SORCS2: variants seen among roughly 807,000 people sequenced by gnomAD.
The protein encoded by SORCS2 is sortilin related VPS10 domain containing receptor 2.
In SORCS2, 100 loss-of-function variants were observed where a neutral mutation model predicts 141.6. The observed-to-expected ratio is 0.71, with a 90% CI of 0.60 to 0.83. The LOEUF (loss-of-function observed/expected upper bound fraction) is 0.83, where lower values mean the gene tolerates loss of function less well. Among genes scored for constraint, SORCS2 ranks in the 40% least tolerant of loss-of-function variants. SORCS2 has a pLI of 0.00. For synonymous variants in SORCS2, 789 were observed against 676.9 expected (o/e 1.17, Z -2.57); for missense variants, 1,646 against 1,560.2 (o/e 1.05, Z -0.93).
chr4:7,699,482 G>T (rs376628619), intron 12 of SORCS2, among the ~76,000 whole-genome samples: 1 of 152,164 alleles, frequency 6.6e-6, no homozygotes, highest in Non-Finnish European at 1.5e-5. Context: ...GGCTCAGGGG[G>T]CCAGCTCAGT....
At chr4:7,524,480 T>C (rs1733537255) in intron 2 of SORCS2, among the ~76,000 whole-genome samples, 1 of 152,106 alleles carries the variant, frequency 6.6e-6, no homozygotes, top group Admixed American at 6.6e-5. Flanking sequence ...GCCCTGGCCC[T>C]GCCCTCCCCA....
chr4:7,266,188 C>T (rs1459913557), intron 1 of SORCS2, among the ~76,000 whole-genome samples: 4 of 152,178 alleles, frequency 2.6e-5, no homozygotes, highest in Non-Finnish European at 4.4e-5. Context: ...TCATGAGCTC[C>T]CTGGAGCTCC....
chr4:7,209,538 T>C (rs57897464), intron 1 of SORCS2, among the ~76,000 whole-genome samples: 9,277 of 152,232 alleles, frequency 0.061, 552 homozygotes, highest in East Asian at 0.27. Context: ...GCCGGCTCCA[T>C]GGTGCTGAAG....
intron 2 of SORCS2, chr4:7,430,493 C>T (rs770049016): frequency 6.6e-6 from 1 of 152,242 alleles, no homozygotes; most frequent in Non-Finnish European, 1.5e-5. Context: ...GGGGCAGCAT[C>T]CATAGGTGTT....
chr4:7,614,473 C>T (rs568000391), intron 3 of SORCS2, among the ~76,000 whole-genome samples: 1 of 149,892 alleles, frequency 6.7e-6, no homozygotes, highest in South Asian at 2.2e-4. Context: ...TAATCCATAA[C>T]CCATCCACGC....
Position 7,740,196 on chromosome 4 carries a change from C to A in SORCS2, c.3416-4C>A. 1 of 1,606,936 alleles carries A rather than the reference C, an allele frequency of 6.2e-7. No individual in the cohort carries two copies. The highest frequency in any genetic ancestry group is 8.5e-7 in the Non-Finnish European group (1 of 1,178,740). ...ACGGGACCTGCGTCTCTTCTGTTTCCTAGGCAACCACTCAGGCGTGGTCCT... is the reference window on the plus strand; with the variant it reads ...ACGGGACCTGCGTCTCTTCTGTTTCATAGGCAACCACTCAGGCGTGGTCCT... On this transcript the variant is annotated splice_polypyrimidine_tract_variant and splice_region_variant and intron_variant, in intron 26 of 26. Transcript: ENST00000507866.
At chr4:7,333,652 C>T (rs1232647786) in intron 1 of SORCS2, among the ~76,000 whole-genome samples, 2 of 152,190 alleles carry the variant, frequency 1.3e-5, no homozygotes, top group Non-Finnish European at 2.9e-5. Flanking sequence ...TGTGCCATTG[C>T]TTCCCCCAGA....
intron 1 of SORCS2, among the ~76,000 whole-genome samples, chr4:7,279,177 T>C (rs1037517976): frequency 1.3e-5 from 2 of 152,184 alleles, no homozygotes; most frequent in Admixed American, 6.5e-5. Context: ...CCTCCTCCCT[T>C]TTTTGGTGGT....
intron 2 of SORCS2, among the ~76,000 whole-genome samples, chr4:7,404,316 G>A (rs1724828448): frequency 6.6e-6 from 1 of 152,038 alleles, no homozygotes; most frequent in Non-Finnish European, 1.5e-5. Context: ...ATGAGTGCAG[G>A]TGTCTTTTTG....
At chr4:7,434,621 T>G in intron 2 of SORCS2, 2 of 1,613,414 alleles carry the variant, frequency 1.2e-6, no homozygotes, top group Middle Eastern at 1.6e-4. Flanking sequence ...AAAGCCAGGA[T>G]GTCAGACTCC....
chr4:7,356,519 G>A (rs999730289), intron 1 of SORCS2, among the ~76,000 whole-genome samples: 2 of 152,094 alleles, frequency 1.3e-5, no homozygotes, highest in East Asian at 1.9e-4. Flanking sequence ...GAGAGAGAGA[G>A]ATCAATCTCT....
chr4:7,546,373 G>C (rs1177879686), intron 3 of SORCS2, among the ~76,000 whole-genome samples: 2 of 152,130 alleles, frequency 1.3e-5, no homozygotes, highest in African/African-American at 4.8e-5. Flanking sequence ...CCTGCCCAGA[G>C]GGAGGCCTGC....
At position 7,704,226 on chromosome 4, in the gene SORCS2, A is replaced by G. The variant is rs750285423; in HGVS notation, c.1810A>G (p.Thr604Ala). The change falls in exon 14 of 27, where the codon ACC becomes GCC. Residue 604 changes from threonine to alanine, a missense_variant. Coordinates refer to ENST00000507866, the MANE Select transcript of SORCS2 (RefSeq NM_020777.3). ...CTGGAGCACGCACAACTTCACCAGC[A>G]CCTCGGTGTTTGTGGACGGGCTGCT... ...LTWSTHNFTSTSVFVDGLLSE... is the reference protein window; with the variant it reads ...LTWSTHNFTSASVFVDGLLSE... 6 of 1,612,946 alleles carry G rather than the reference A, an allele frequency of 3.7e-6. No individual in the cohort carries two copies. The East Asian group carries it at 6.7e-5, about 18-fold the overall frequency.
intron 3 of SORCS2, among the ~76,000 whole-genome samples, chr4:7,595,431 A>G (rs1417507114): frequency 6.6e-6 from 1 of 152,106 alleles, no homozygotes; most frequent in African/African-American, 2.4e-5. Context: ...TTCCCTCCCC[A>G]GAGGTCAGGG....
intron 2 of SORCS2, among the ~76,000 whole-genome samples, chr4:7,473,639 G>A (rs181426797): frequency 3.3e-5 from 5 of 152,314 alleles, no homozygotes; most frequent in Admixed American, 2.6e-4. Context: ...GCCAAGCATA[G>A]GCGTGTCCGT....
At chr4:7,243,858 C>G (rs980938946) in intron 1 of SORCS2, among the ~76,000 whole-genome samples, 2 of 152,330 alleles carry the variant, frequency 1.3e-5, no homozygotes, top group East Asian at 1.9e-4. Context: ...CAGGCCAAAC[C>G]CTTCCCTGCT....
intron 4 of SORCS2, among the ~76,000 whole-genome samples, chr4:7,640,463 C>CGTGT (rs543187878): frequency 0.011 from 1,111 of 101,042 alleles, 6 homozygotes; most frequent in Middle Eastern, 0.024. Context: ...TGTGTATGAG[C>CGTGT]GTGTGTGTGT....
intron 2 of SORCS2, among the ~76,000 whole-genome samples, chr4:7,398,158 C>A (rs568102304): frequency 1.3e-5 from 2 of 151,082 alleles, no homozygotes; most frequent in African/African-American, 4.9e-5. Context: ...AGTCCTTGTG[C>A]GGTGGGGGTG....
rs575236625 is a variant in SORCS2, at chr4:7,366,952, G to A, written c.481-29336G>A. Among the ~76,000 whole-genome samples the A allele has an allele frequency of 7.2e-5, 11 of 152,326 alleles. No individual in the cohort carries two copies. In the South Asian group the frequency reaches 1.9e-3, roughly 26 times the overall value. On this transcript the variant is annotated intron_variant, in intron 1 of 26. Coordinates refer to ENST00000507866, the MANE Select transcript of SORCS2 (RefSeq NM_020777.3). Reference sequence around the variant, plus strand: ...TGCCTACGCCTGAGAGGCCAGGTCGGAAGGACTTAAATTCAGAGGAGCAAT... The same window carrying A: ...TGCCTACGCCTGAGAGGCCAGGTCGAAAGGACTTAAATTCAGAGGAGCAAT...
Sources: allele counts gnomAD v4.1 joint callset (sites outside exome capture counted in the v4.1 genomes callset), GRCh38; gene constraint gnomAD v4.1.1; transcripts MANE v1.5; gene names NCBI Gene and HGNC (gene_info 2026-07-23, HGNC 2026-07-21).